KLHL26: variants seen among roughly 807,000 people sequenced by gnomAD.
The protein encoded by KLHL26 is kelch like family member 26.
A neutral mutation model predicts 7.1 loss-of-function variants in KLHL26; 4 were observed. That is an observed-to-expected ratio of 0.56 (90% CI 0.28 to 1.28). KLHL26 has a LOEUF of 1.28. Among genes scored for constraint, KLHL26 ranks in the 50% most tolerant of loss-of-function variants. The pLI, the probability that KLHL26 is intolerant of heterozygous loss-of-function variation, is 0.11. For synonymous variants in KLHL26, 465 were observed against 414.1 expected, an observed-to-expected ratio of 1.12 and a Z score of -1.49; for missense variants, 896 against 924.6, an observed-to-expected ratio of 0.97 and a Z score of 0.40.
At chr19:18,655,832 G>A (rs1348103274) in intron 1 of KLHL26, among the ~76,000 whole-genome samples, 4 of 130,742 alleles carry the variant, frequency 3.1e-5, no homozygotes, top group South Asian at 2.2e-4. Flanking sequence ...GGATGGGGGC[G>A]CTGTGCATAA....
intron 1 of KLHL26, among the ~76,000 whole-genome samples, chr19:18,639,404 T>G (rs12983252): frequency 1.3e-3 from 61 of 47,568 alleles, no homozygotes; most frequent in Non-Finnish European, 1.7e-3. Flanking sequence ...TATCATTAAG[T>G]TTTTTTTTTT....
rs978200348 is a variant in KLHL26 at position 18,648,063 on chromosome 19, C to G, written c.83+10926C>G. On this transcript the variant is annotated intron_variant, in intron 1 of 2. Coordinates refer to ENST00000300976, the MANE Select transcript of KLHL26 (RefSeq NM_018316.3). The surrounding 1 kb of genome is among the most constrained non-coding windows in gnomAD (Gnocchi z 4.9). The stretch of plus-strand genomic sequence containing the variant: ...GGTGAGCGGCATATCAGTCAGCCTC[C>G]TGTTTTGAAAGGATCCCTCTGTAGG... Among the ~76,000 whole-genome samples, 1 of 152,206 alleles carries G rather than the reference C, an allele frequency of 6.6e-6. No individual in the cohort carries two copies. Among genetic ancestry groups the G allele is most frequent in the African/African-American group, 2.4e-5 (1 of 41,438 alleles).
Position 18,650,370 on chromosome 19 carries a change from G to A in KLHL26, c.83+13233G>A, listed in dbSNP as rs758025578. The stretch of plus-strand genomic sequence containing the variant: ...AAGGTGACTGTGAGATGACAGACAC[G>A]TAGGGGAGCCCCACAGAGGACCCCC... On this transcript the variant is annotated intron_variant, in intron 1 of 2. Transcript: ENST00000300976. The surrounding 1 kb of genome is among the most constrained non-coding windows in gnomAD (Gnocchi z 4.2). Among the ~76,000 whole-genome samples the A allele has an allele frequency of 2.0e-5, 3 of 152,266 alleles. No homozygotes were observed. Among genetic ancestry groups the A allele is most frequent in the Middle Eastern group, 6.8e-3 (2 of 294 alleles).
intron 1 of KLHL26, among the ~76,000 whole-genome samples, chr19:18,652,043 T>C (rs2052263837): frequency 6.6e-6 from 1 of 152,040 alleles, no homozygotes; most frequent in Non-Finnish European, 1.5e-5. Flanking sequence ...CAGAGAAGGC[T>C]CTGGGGTGGA....
intron 1 of KLHL26, among the ~76,000 whole-genome samples, chr19:18,645,601 C>T (rs890005670): frequency 6.6e-6 from 1 of 152,036 alleles, no homozygotes; most frequent in African/African-American, 2.4e-5. Context: ...ATTACAAGGT[C>T]CAGAGTTTGA....
At chr19:18,653,237 A>G (rs573770269) in intron 1 of KLHL26, among the ~76,000 whole-genome samples, 6 of 151,718 alleles carry the variant, frequency 4.0e-5, no homozygotes, top group Admixed American at 1.3e-4. Context: ...CTGTCCATCT[A>G]TCCACCCACC....
At chr19:18,666,096 G>A (rs538362551) in intron 2 of KLHL26, among the ~76,000 whole-genome samples, 9 of 152,358 alleles carry the variant, frequency 5.9e-5, no homozygotes, top group East Asian at 1.9e-4. Context: ...GCCTGCGACC[G>A]CCTCTGCCTT....
At chr19:18,655,206 T>C (rs565557603) in intron 1 of KLHL26, among the ~76,000 whole-genome samples, 1 of 152,272 alleles carries the variant, frequency 6.6e-6, no homozygotes, top group African/African-American at 2.4e-5. Context: ...GGAGGACTAG[T>C]GGGGTAAATC....
In KLHL26 at chr19:18,668,343, G is replaced by C. The variant is rs767272064; in HGVS notation, c.946G>C (p.Gly316Arg). 3 of 1,608,368 alleles carry C rather than the reference G, an allele frequency of 1.9e-6. No individual in the cohort carries two copies. The highest frequency in any genetic ancestry group is 2.5e-6 in the Non-Finnish European group (3 of 1,179,042). Residue 316 changes from glycine to arginine, a missense_variant, in exon 3 of 3, where the codon GGC becomes CGC. Gly to Arg is a moderately radical substitution (Grantham distance 125). Coordinates refer to ENST00000300976, the MANE Select transcript of KLHL26 (RefSeq NM_018316.3). The part of the protein sequence containing the change: ...SDVPSLVTFG[G>R]TPYTDSDRSV... ...TGTGCCCTCGCTCGTCACCTTCGGC[G>C]GCACGCCCTACACCGACAGCGACCG...
chr19:18,663,149 G>A (rs1011664009), intron 1 of KLHL26, among the ~76,000 whole-genome samples: 3 of 152,194 alleles, frequency 2.0e-5, no homozygotes, highest in African/African-American at 7.2e-5. Flanking sequence ...CCCACACTGG[G>A]TCCTTCGTGC....
intron 1 of KLHL26, among the ~76,000 whole-genome samples, chr19:18,663,787 GGGGGCAGTA>G (rs1317379820): frequency 6.6e-6 from 1 of 151,674 alleles, no homozygotes; most frequent in South Asian, 2.1e-4. Context: ...GAGGGGATGA[GGGGGCAGTA>G]GGGGCAGTGG....
At chr19:18,655,751 C>CA (rs201405325) in intron 1 of KLHL26, among the ~76,000 whole-genome samples, 158 of 151,940 alleles carry the variant, frequency 1.0e-3, no homozygotes, top group Non-Finnish European at 1.3e-3. Context: ...CCCTTGTCTT[C>CA]TGGGCCTTTG....
chr19:18,670,641 T>C lies in KLHL26; in HGVS notation c.*1396T>C, dbSNP rs1276839660. 1 of 152,282 alleles carries C rather than the reference T, an allele frequency of 6.6e-6. No individual in the cohort carries two copies. Among genetic ancestry groups the C allele is most frequent in the African/African-American group, 2.4e-5 (1 of 41,440 alleles). The allele number at this position is 152,282 out of a possible 1,614,324, so 9.4% of individuals were successfully genotyped here. On this transcript the variant is annotated 3_prime_UTR_variant, in exon 3 of 3. Transcript: ENST00000300976. Reference sequence around the variant, plus strand: ...AGAGGAGTCGGCAGTGGGCTGGGCTTTGGCTCAGGGGCGCAGAGGCAGCAG... The same window carrying C: ...AGAGGAGTCGGCAGTGGGCTGGGCTCTGGCTCAGGGGCGCAGAGGCAGCAG...
In KLHL26 at chr19:18,656,834, A is replaced by C. The variant is rs945118045; in HGVS notation, c.84-7427A>C. Among the ~76,000 whole-genome samples the C allele has an allele frequency of 6.6e-6, 1 of 152,120 alleles. No individual in the cohort carries two copies. Among genetic ancestry groups the C allele is most frequent in the Non-Finnish European group, 1.5e-5 (1 of 67,988 alleles). The stretch of plus-strand genomic sequence containing the variant: ...GCGGGAGTGGCGGGTTCCTGTTTGA[A>C]ATGATTCGTGAAGATGTTGGAGAAA... On this transcript the variant is annotated intron_variant, in intron 1 of 2. Coordinates refer to ENST00000300976, the MANE Select transcript of KLHL26 (RefSeq NM_018316.3). This position sits in a 1 kb window ranked among gnomAD's most constrained non-coding sequence, Gnocchi z 4.4.
chr19:18,638,533 G>A (rs1306092526), intron 1 of KLHL26, among the ~76,000 whole-genome samples: 4 of 152,162 alleles, frequency 2.6e-5, no homozygotes, highest in African/African-American at 9.7e-5. Context: ...TCCTGCAGTA[G>A]GGAGCCAGGA....
intron 1 of KLHL26, among the ~76,000 whole-genome samples, chr19:18,651,513 G>A (rs1285188443): frequency 1.3e-5 from 2 of 152,228 alleles, no homozygotes; most frequent in African/African-American, 4.8e-5. Context: ...AAGAGGGGAG[G>A]GATGGTAAAC....
chr19:18,640,704 A>G (rs1356707159), intron 1 of KLHL26, among the ~76,000 whole-genome samples: 1 of 150,366 alleles, frequency 6.7e-6, no homozygotes, highest in Non-Finnish European at 1.5e-5. Flanking sequence ...ACACTCAGCT[A>G]ATTTTTGTAT....
chr19:18,668,229 C>T lies in KLHL26; in HGVS notation c.832C>T (p.Arg278Cys). The T allele has an allele frequency of 3.1e-6, 5 of 1,612,098 alleles. No homozygotes were observed. Among genetic ancestry groups the T allele is most frequent in the South Asian group, 1.1e-5 (1 of 91,072 alleles). The change falls in exon 3 of 3, where the codon CGC becomes TGC. Residue 278 changes from arginine (R) to cysteine (C), a missense_variant. By Grantham distance (180) the Arg-to-Cys change is radical. Transcript: ENST00000300976. ...LDIMVEDVLC[R>C]QYLLEAFNYQ... Reference sequence around the variant, plus strand: ...CATCATGGTGGAGGACGTGCTGTGCCGCCAGTATCTGCTGGAGGCCTTCAA... The same window carrying T: ...CATCATGGTGGAGGACGTGCTGTGCTGCCAGTATCTGCTGGAGGCCTTCAA...
chr19:18,649,841 A>C lies in KLHL26; in HGVS notation c.83+12704A>C, dbSNP rs1432346361. The stretch of plus-strand genomic sequence containing the variant: ...ACTCGTCTCCAACGGCTGCGCCAGC[A>C]ATTCCCTAGCATTCCTCCTCTGCAG... On this transcript the variant is annotated intron_variant, in intron 1 of 2. Transcript: ENST00000300976. The surrounding 1 kb of genome is among the most constrained non-coding windows in gnomAD (Gnocchi z 4.0). Among the ~76,000 whole-genome samples, 1 of 152,100 alleles carries C rather than the reference A, an allele frequency of 6.6e-6. No individual in the cohort carries two copies. Among genetic ancestry groups the C allele is most frequent in the Non-Finnish European group, 1.5e-5 (1 of 68,020 alleles).
Sources: allele counts gnomAD v4.1 joint callset (sites outside exome capture counted in the v4.1 genomes callset), GRCh38; gene constraint gnomAD v4.1.1; non-coding constraint Gnocchi (gnomAD v3.1); transcripts MANE v1.5; gene names NCBI Gene and HGNC (gene_info 2026-07-23, HGNC 2026-07-21).